STARD13: variants seen among roughly 807,000 people sequenced by gnomAD.
The protein encoded by STARD13 is stAR-related lipid transfer protein 13.
In STARD13, 62 loss-of-function variants were observed where a neutral mutation model predicts 106.4. That is an observed-to-expected ratio of 0.58 (90% CI 0.48 to 0.72). The LOEUF is 0.72. STARD13 is among the 30% of genes least tolerant of loss of function. The pLI is 0.00. For synonymous variants in STARD13, 565 were observed against 553.0 expected, an observed-to-expected ratio of 1.02 and a Z score of -0.31; for missense variants, 1,387 against 1,424.0, an observed-to-expected ratio of 0.97 and a Z score of 0.42.
the STARD13 span, among the ~76,000 whole-genome samples, chr13:33,544,318 A>T: frequency 1.3e-5 from 2 of 152,218 alleles, no homozygotes; most frequent in African/African-American, 4.8e-5. Context: ...AAAAATGATC[A>T]TCTCAGAACT....
At chr13:33,215,127 G>GC (rs201847713) in intron 1 of STARD13, among the ~76,000 whole-genome samples, 144 of 123,192 alleles carry the variant, frequency 1.2e-3, no homozygotes, top group Admixed American at 2.0e-3. Context: ...CTTGGGGGGG[G>GC]GGGTGGGGGG....
the STARD13 span, among the ~76,000 whole-genome samples, chr13:33,457,157 T>C: frequency 1.3e-5 from 2 of 152,202 alleles, no homozygotes; most frequent in Admixed American, 6.5e-5. Flanking sequence ...GGAGGATAGA[T>C]ATGGAAGAAG....
At chr13:33,617,214 A>G in the STARD13 span, among the ~76,000 whole-genome samples, 1 of 152,188 alleles carries the variant, frequency 6.6e-6, no homozygotes, top group African/African-American at 2.4e-5. Context: ...GGGCTGACTC[A>G]ATAACACTAT....
At chr13:33,232,851 G>T (rs1186256842) in intron 1 of STARD13, among the ~76,000 whole-genome samples, 1 of 152,120 alleles carries the variant, frequency 6.6e-6, no homozygotes, top group African/African-American at 2.4e-5. Flanking sequence ...TTGCTTCCTT[G>T]TTCCTCCCTA....
In STARD13 at chr13:33,129,847, C is replaced by T. The variant is rs1263130383; in HGVS notation, c.830G>A (p.Gly277Glu). ...RGKGAHGRHKGSGRTGGLVIS... is the reference protein window; with the variant it reads ...RGKGAHGRHKESGRTGGLVIS... ...CACCAGGCCACCTGTCCGCCCAGAC[C>T]CCTTATGCCTCCCGTGGGCTCCCTT... Residue 277 changes from glycine to glutamate, a missense_variant, in exon 5 of 14, where the codon GGG becomes GAG. Coordinates refer to ENST00000336934, the MANE Select transcript of STARD13 (RefSeq NM_178006.4). The T allele has an allele frequency of 1.2e-6, 2 of 1,612,908 alleles. No homozygotes were observed. Among genetic ancestry groups the T allele is most frequent in the Admixed American group, 1.7e-5 (1 of 60,004 alleles).
intron 1 of STARD13, among the ~76,000 whole-genome samples, chr13:33,273,268 G>A (rs777632039): frequency 6.6e-6 from 1 of 152,192 alleles, no homozygotes; most frequent in Non-Finnish European, 1.5e-5. Flanking sequence ...TCCACAAAGT[G>A]TCATGCACTA....
chr13:33,249,562 T>C (rs748647177), intron 1 of STARD13, among the ~76,000 whole-genome samples: 2 of 152,196 alleles, frequency 1.3e-5, no homozygotes, highest in African/African-American at 4.8e-5. Flanking sequence ...TTATTTCTAA[T>C]CCCTGCAACA....
intron 1 of STARD13, among the ~76,000 whole-genome samples, chr13:33,333,117 C>T (rs956727108): frequency 5.3e-5 from 8 of 152,074 alleles, no homozygotes; most frequent in East Asian, 1.9e-4. Flanking sequence ...TGGCTGGGTA[C>T]GGTGGCTCAA....
intron 1 of STARD13, among the ~76,000 whole-genome samples, chr13:33,202,419 G>T (rs984812605): frequency 2.0e-5 from 3 of 152,156 alleles, no homozygotes; most frequent in South Asian, 2.1e-4. Flanking sequence ...ACCCCACAAA[G>T]AAGTGGTATG....
At chr13:33,214,724 AC>A (rs1887929952) in intron 1 of STARD13, among the ~76,000 whole-genome samples, 1 of 151,674 alleles carries the variant, frequency 6.6e-6, no homozygotes, top group East Asian at 1.9e-4. Context: ...ACACACACAC[AC>A]ACACACACAC....
intron 1 of STARD13, among the ~76,000 whole-genome samples, chr13:33,221,363 A>G (rs1227789807): frequency 6.6e-6 from 1 of 152,178 alleles, no homozygotes; most frequent in Non-Finnish European, 1.5e-5. Context: ...ACTTAGTATA[A>G]TGTCCTCAAG....
chr13:33,435,507 C>A, the STARD13 span, among the ~76,000 whole-genome samples: 1 of 152,276 alleles, frequency 6.6e-6, no homozygotes, highest in South Asian at 2.1e-4. Flanking sequence ...TCTTGGCACA[C>A]TTTGATGCTT....
At chr13:33,499,597 CTTCTTCTTTCTTCTTCTTCTT>C in the STARD13 span, among the ~76,000 whole-genome samples, 54 of 59,528 alleles carry the variant, frequency 9.1e-4, 1 homozygote, top group African/African-American at 1.4e-3. Context: ...TCTTCTTCTT[CTTCTTCTTTCTTCTTCTTCTT>C]CTTCTTCTTC....
intron 1 of STARD13, chr13:33,271,648 A>G (rs536063922): frequency 6.6e-6 from 1 of 152,368 alleles, no homozygotes; most frequent in African/African-American, 2.4e-5. Context: ...TTACTTGGGA[A>G]GCAGAGTTCT....
chr13:33,636,867 C>T, the STARD13 span, among the ~76,000 whole-genome samples: 1 of 152,144 alleles, frequency 6.6e-6, no homozygotes, highest in African/African-American at 2.4e-5. Context: ...GCAGCTGGTT[C>T]TAGGGACCTC....
At chr13:33,504,888 A>C in the STARD13 span, among the ~76,000 whole-genome samples, 2 of 152,220 alleles carry the variant, frequency 1.3e-5, no homozygotes. Flanking sequence ...AGATGGCAGC[A>C]ATAGTTGCTC....
At chr13:33,443,105 G>A in the STARD13 span, among the ~76,000 whole-genome samples, 1,201 of 152,178 alleles carry the variant, frequency 7.9e-3, 24 homozygotes, top group South Asian at 0.035. Context: ...TGGGCTGGGC[G>A]CAGTGGCTCA....
the STARD13 span, among the ~76,000 whole-genome samples, chr13:33,552,844 T>C: frequency 6.6e-6 from 1 of 152,174 alleles, no homozygotes; most frequent in Admixed American, 6.5e-5. Context: ...AAAATCATAA[T>C]GAAAGTTTGA....
At chr13:33,508,669 G>A in the STARD13 span, among the ~76,000 whole-genome samples, 1 of 152,166 alleles carries the variant, frequency 6.6e-6, no homozygotes, top group Non-Finnish European at 1.5e-5. Flanking sequence ...CCCCATTCCT[G>A]GGAAAAAGGC....
Sources: allele counts gnomAD v4.1 joint callset (sites outside exome capture counted in the v4.1 genomes callset), GRCh38; gene constraint gnomAD v4.1.1; transcripts MANE v1.5; gene names NCBI Gene and HGNC (gene_info 2026-07-23, HGNC 2026-07-21).